CNTLN: variants seen among roughly 807,000 people sequenced by gnomAD.
CNTLN encodes centlein, also known as centlein, centrosomal protein.
CNTLN carries 212 observed loss-of-function variants against 180.0 expected under a neutral mutation model. That is an observed-to-expected ratio of 1.18 (90% CI 1.05 to 1.32). The LOEUF (loss-of-function observed/expected upper bound fraction) is 1.32, where lower values mean the gene tolerates loss of function less well. CNTLN is among the 40% of genes most tolerant of loss of function. The pLI is 0.00. For synonymous variants in CNTLN, 722 were observed against 563.1 expected (o/e 1.28, Z -3.99); for missense variants, 2,095 against 1,610.9 (o/e 1.30, Z -5.14).
chr9:17,323,283 A>G (rs966455220), intron 8 of CNTLN, among the ~76,000 whole-genome samples: 2 of 152,208 alleles, frequency 1.3e-5, no homozygotes, highest in African/African-American at 4.8e-5. Flanking sequence ...TTATTGGAAT[A>G]CAGCCTACTG....
chr9:17,254,288 C>A (rs551506470), intron 5 of CNTLN, among the ~76,000 whole-genome samples: 10 of 151,610 alleles, frequency 6.6e-5, no homozygotes, highest in African/African-American at 2.4e-4. Flanking sequence ...TGAGGTAGTA[C>A]CATCTGTATG....
chr9:17,322,105 A>G (rs1766678585), intron 8 of CNTLN, among the ~76,000 whole-genome samples: 1 of 152,136 alleles, frequency 6.6e-6, no homozygotes, highest in African/African-American at 2.4e-5. Flanking sequence ...ATTTAATTAT[A>G]TTCAGTAATT....
rs1825155729 is a variant in CNTLN, at chr9:17,236,543, A to G, written c.804A>G (p.Glu268=). ...ACCTGGAGAAATTGAGGAAGCAGGA[A>G]GCACATTTGAGAAAAGAAAAATATA... ...LNDLEKLRKQ[E]AHLRKEKYST... The change falls in exon 5 of 26, where the codon GAA becomes GAG. Residue 268 remains glutamate, a synonymous_variant. Coordinates refer to ENST00000380647, the MANE Select transcript of CNTLN (RefSeq NM_017738.4). 3.1e-6 allele frequency: 5 copies of G among 1,613,382 alleles called. No individual in the cohort carries two copies. The South Asian group carries it at 3.3e-5, about 11-fold the overall frequency.
At chr9:17,234,456 A>G (rs543129452) in intron 3 of CNTLN, among the ~76,000 whole-genome samples, 73 of 152,272 alleles carry the variant, frequency 4.8e-4, no homozygotes, top group Non-Finnish European at 9.4e-4. Flanking sequence ...CTCAAAAAAA[A>G]CTAACTAAAT....
In CNTLN at chr9:17,356,346, C is replaced by T. The variant is rs192742932; in HGVS notation, c.1887-10271C>T. Among the ~76,000 whole-genome samples the T allele has an allele frequency of 5.2e-3, 794 of 152,106 alleles. 5 individuals are homozygous for T. Among genetic ancestry groups the T allele is most frequent in the Admixed American group, 8.3e-3 (126 of 15,268 alleles). Reference sequence around the variant, plus strand: ...GAAGTAAACTCATCTGTTAATTATCCCTAGGTAAGAGTGGAAAGTTTCAGA... The same window carrying T: ...GAAGTAAACTCATCTGTTAATTATCTCTAGGTAAGAGTGGAAAGTTTCAGA... On this transcript the variant is annotated intron_variant, in intron 12 of 25. Transcript: ENST00000380647.
chr9:17,330,486 C>T (rs1267255041), intron 8 of CNTLN, 146 bp from the exon 9 acceptor site: 5 of 451,460 alleles, frequency 1.1e-5, no homozygotes, highest in Non-Finnish European at 1.5e-5. Context: ...AAAGGTTCAG[C>T]TCCTGCTAGT....
intron 24 of CNTLN, among the ~76,000 whole-genome samples, chr9:17,485,338 A>G (rs1195280446): frequency 6.6e-6 from 1 of 152,122 alleles, no homozygotes; most frequent in East Asian, 1.9e-4. Flanking sequence ...CAAATCTACA[A>G]TATGTAAAGA....
intron 2 of CNTLN, among the ~76,000 whole-genome samples, chr9:17,186,077 C>T (rs903266248): frequency 2.0e-5 from 3 of 152,160 alleles, no homozygotes; most frequent in Admixed American, 1.3e-4. Context: ...CAGGTATGAG[C>T]CACCGTGTCA....
chr9:17,226,024 T>G (rs901956507), intron 2 of CNTLN, among the ~76,000 whole-genome samples, 179 bp from the exon 3 acceptor site: 6 of 151,800 alleles, frequency 4.0e-5, no homozygotes, highest in Non-Finnish European at 7.4e-5. Context: ...ATGAAACTGT[T>G]CTTTTAGTAT....
intron 18 of CNTLN, among the ~76,000 whole-genome samples, chr9:17,427,704 A>G (rs997564322): frequency 5.3e-5 from 8 of 152,198 alleles, no homozygotes; most frequent in African/African-American, 1.9e-4. Context: ...AACTACCAAC[A>G]TTTAAGGACT....
chr9:17,524,330 A>ATTT, the CNTLN span, among the ~76,000 whole-genome samples: 1 of 152,312 alleles, frequency 6.6e-6, no homozygotes, highest in East Asian at 1.9e-4. Flanking sequence ...AAAAGCCTAT[A>ATTT]TTTCAGTTTG....
At chr9:17,453,359 A>G (rs1479893566) in intron 18 of CNTLN, among the ~76,000 whole-genome samples, 1 of 152,200 alleles carries the variant, frequency 6.6e-6, no homozygotes, top group Non-Finnish European at 1.5e-5. Flanking sequence ...AATAAAATGA[A>G]TACAAAATTA....
At chr9:17,144,517 ACTTTCTAAACCT>A (rs1327852075) in intron 2 of CNTLN, among the ~76,000 whole-genome samples, 4 of 152,012 alleles carry the variant, frequency 2.6e-5, no homozygotes, top group African/African-American at 4.8e-5. Context: ...ATTTTTTAAA[ACTTTCTAAACCT>A]ATCCATAATT....
intron 18 of CNTLN, among the ~76,000 whole-genome samples, chr9:17,443,462 T>A (rs539644019): frequency 4.4e-4 from 67 of 152,278 alleles, no homozygotes; most frequent in African/African-American, 1.5e-3. Context: ...ATTGTTAAAA[T>A]GTGAAATAGT....
intron 2 of CNTLN, among the ~76,000 whole-genome samples, chr9:17,159,243 C>A (rs980692849): frequency 1.3e-5 from 2 of 152,194 alleles, no homozygotes; most frequent in Non-Finnish European, 2.9e-5. Flanking sequence ...TAAGCTTGAA[C>A]TTCTCTACAC....
intron 2 of CNTLN, among the ~76,000 whole-genome samples, chr9:17,218,440 A>G (rs1262535750): frequency 1.3e-5 from 2 of 152,106 alleles, no homozygotes; most frequent in Admixed American, 1.3e-4. Flanking sequence ...TATTGTTTAT[A>G]GATGCCATTC....
At chr9:17,446,884 A>G (rs1830463199) in intron 18 of CNTLN, among the ~76,000 whole-genome samples, 1 of 152,230 alleles carries the variant, frequency 6.6e-6, no homozygotes, top group African/African-American at 2.4e-5. Context: ...TAGGAAAACC[A>G]AGTTTAATCA....
At chr9:17,204,248 T>C (rs538346303) in intron 2 of CNTLN, among the ~76,000 whole-genome samples, 2 of 152,368 alleles carry the variant, frequency 1.3e-5, no homozygotes, top group East Asian at 3.9e-4. Context: ...TTTTGGTTTT[T>C]GGAATTTTCA....
At chr9:17,327,148 T>TATTTTTTA (rs1820348830) in intron 8 of CNTLN, among the ~76,000 whole-genome samples, 1 of 152,008 alleles carries the variant, frequency 6.6e-6, no homozygotes, top group African/African-American at 2.4e-5. Context: ...AAAAAAACTG[T>TATTTTTTA]TGTAAAAAAT....
Sources: allele counts gnomAD v4.1 joint callset (sites outside exome capture counted in the v4.1 genomes callset), GRCh38; gene constraint gnomAD v4.1.1; transcripts MANE v1.5; gene names NCBI Gene and HGNC (gene_info 2026-07-23, HGNC 2026-07-21).